The following MEI4 variants were observed in gnomAD, a reference collection of about 807,000 sequenced individuals.
MEI4 encodes the protein meiosis-specific protein MEI4.
MEI4 carries 27 observed loss-of-function variants against 31.4 expected under a neutral mutation model. The ratio of observed to expected loss-of-function variants is 0.86; its 90% CI spans 0.63 to 1.19. The LOEUF (loss-of-function observed/expected upper bound fraction) is 1.19. Ranked by LOEUF, MEI4 falls within the 50% of genes most tolerant of loss-of-function variation. MEI4 has a pLI of 0.00. For synonymous variants in MEI4, 122 were observed against 145.4 expected (o/e 0.84, Z 1.16); for missense variants, 329 against 398.9 (o/e 0.82, Z 1.49).
At chr6:77,739,693 C>T (rs1316794322) in intron 2 of MEI4, among the ~76,000 whole-genome samples, 2 of 151,854 alleles carry the variant, frequency 1.3e-5, no homozygotes, top group African/African-American at 2.4e-5. Context: ...TGTAACAAAC[C>T]TGCACGTTCT....
intron 4 of MEI4, among the ~76,000 whole-genome samples, chr6:77,913,824 G>A (rs762271420): frequency 2.0e-5 from 3 of 151,326 alleles, no homozygotes; most frequent in Non-Finnish European, 4.4e-5. Flanking sequence ...ACGAGGTCAG[G>A]AGATTGAGAC....
chr6:77,912,617 G>C (rs1324306187), intron 4 of MEI4, among the ~76,000 whole-genome samples: 2 of 151,782 alleles, frequency 1.3e-5, no homozygotes, highest in Non-Finnish European at 2.9e-5. Flanking sequence ...TCAATAAGTT[G>C]GTTATTAGTG....
chr6:77,707,832 G>C (rs1482440161), intron 2 of MEI4, among the ~76,000 whole-genome samples: 1 of 152,254 alleles, frequency 6.6e-6, no homozygotes, highest in African/African-American at 2.4e-5. Context: ...GAGGGCGCAA[G>C]CCATAAGCCT....
chr6:77,681,017 T>C (rs1768946871), intron 1 of MEI4, among the ~76,000 whole-genome samples: 1 of 152,176 alleles, frequency 6.6e-6, no homozygotes, highest in South Asian at 2.1e-4. Context: ...ATTTACAAAA[T>C]GACTTTTTTG....
At chr6:77,758,636 T>C (rs1017393087) in intron 2 of MEI4, among the ~76,000 whole-genome samples, 1 of 152,328 alleles carries the variant, frequency 6.6e-6, no homozygotes, top group East Asian at 1.9e-4. Flanking sequence ...TTTTTCATTC[T>C]TTTTCCTTCG....
At chr6:77,922,720 TA>T (rs1766733257) in intron 4 of MEI4, among the ~76,000 whole-genome samples, 2 of 151,666 alleles carry the variant, frequency 1.3e-5, no homozygotes, top group Non-Finnish European at 1.5e-5. Flanking sequence ...TATATCAAAA[TA>T]AGTACCATGA....
chr6:77,919,761 T>TAAAG (rs1403816704), intron 4 of MEI4, among the ~76,000 whole-genome samples: 1 of 146,330 alleles, frequency 6.8e-6, no homozygotes, highest in Middle Eastern at 3.4e-3. Context: ...GCAAGACTAA[T>TAAAG]AAAGAAAAAA....
chr6:77,844,184 T>G (rs1770425802), intron 4 of MEI4, among the ~76,000 whole-genome samples: 1 of 152,140 alleles, frequency 6.6e-6, no homozygotes, highest in Non-Finnish European at 1.5e-5. Context: ...CTACTGATGC[T>G]TATTAGAATG....
intron 4 of MEI4, among the ~76,000 whole-genome samples, chr6:77,858,491 A>G (rs6934529): frequency 0.048 from 7,317 of 152,222 alleles, 440 homozygotes; most frequent in African/African-American, 0.14. Context: ...GCATATAGCA[A>G]TTGGAGTTTT....
chr6:77,780,567 G>A (rs1341622342), intron 3 of MEI4, among the ~76,000 whole-genome samples: 1 of 152,118 alleles, frequency 6.6e-6, no homozygotes, highest in Non-Finnish European at 1.5e-5. Flanking sequence ...CAATGCAGCT[G>A]TTGGCACAGG....
intron 4 of MEI4, among the ~76,000 whole-genome samples, chr6:77,909,200 C>T (rs1401180545): frequency 6.6e-6 from 1 of 152,044 alleles, no homozygotes; most frequent in African/African-American, 2.4e-5. Context: ...TTAAGAAACT[C>T]ACTCAAAACC....
intron 4 of MEI4, among the ~76,000 whole-genome samples, chr6:77,903,152 C>A (rs1267401658): frequency 1.3e-5 from 2 of 151,438 alleles, no homozygotes; most frequent in Non-Finnish European, 2.9e-5. Flanking sequence ...TTTTTTCTTT[C>A]TTTTTTTTCT....
At chr6:77,871,361 TTTAAA>T (rs1771186076) in intron 4 of MEI4, among the ~76,000 whole-genome samples, 1 of 152,218 alleles carries the variant, frequency 6.6e-6, no homozygotes, top group Non-Finnish European at 1.5e-5. Flanking sequence ...TTAAATTTAT[TTTAAA>T]TTGAGTTTTA....
chr6:77,826,313 A>G (rs985678228), intron 3 of MEI4, among the ~76,000 whole-genome samples: 2 of 152,208 alleles, frequency 1.3e-5, no homozygotes, highest in Admixed American at 6.5e-5. Flanking sequence ...TTAGTTGACA[A>G]GAAAGATATG....
intron 2 of MEI4, among the ~76,000 whole-genome samples, chr6:77,749,002 C>T (rs1767693260): frequency 1.3e-5 from 2 of 152,122 alleles, no homozygotes; most frequent in Non-Finnish European, 2.9e-5. Context: ...GGACCTCCAG[C>T]AAACTCCCAC....
At position 77,924,769 on chromosome 6, in the gene MEI4, C is replaced by T. The variant is rs1766806011; in HGVS notation, c.*1423C>T. On this transcript the variant is annotated 3_prime_UTR_variant, in exon 5 of 5. Coordinates refer to ENST00000684080, the MANE Select transcript of MEI4 (RefSeq NM_001322247.2). Reference sequence around the variant, plus strand: ...GCTGAGAAATGTCACATTAGCACTTCCATCCACATGCATTGTCAAAGTACA... The same window carrying T: ...GCTGAGAAATGTCACATTAGCACTTTCATCCACATGCATTGTCAAAGTACA... 1 of 151,810 alleles carries T rather than the reference C, an allele frequency of 6.6e-6. No homozygotes were observed. The highest frequency in any genetic ancestry group is 1.5e-5 in the Non-Finnish European group (1 of 67,884). 9.4% of individuals were successfully genotyped at this position (151,810 alleles called of 1,614,324 possible). A position where few individuals can be genotyped will look rare whatever the true frequency, so the allele number is the denominator to read the frequency against.
At chr6:77,781,239 A>G (rs891416347) in intron 3 of MEI4, among the ~76,000 whole-genome samples, 1 of 152,094 alleles carries the variant, frequency 6.6e-6, no homozygotes, top group Non-Finnish European at 1.5e-5. Context: ...TTAATCTGAC[A>G]CTACTATATT....
At chr6:77,922,916 T>C (rs765361060) in intron 4 of MEI4, among the ~76,000 whole-genome samples, 173 bp from the exon 5 acceptor site, 19 of 151,740 alleles carry the variant, frequency 1.3e-4, no homozygotes, top group Non-Finnish European at 5.9e-5. Context: ...TGTAAAGTCT[T>C]TGAATAAAGG....
intron 2 of MEI4, among the ~76,000 whole-genome samples, chr6:77,730,740 T>C (rs957844515): frequency 6.6e-6 from 1 of 151,878 alleles, no homozygotes; most frequent in Non-Finnish European, 1.5e-5. Context: ...ACTCGTCATC[T>C]AGCATTAGGT....
Sources: allele counts gnomAD v4.1 joint callset (sites outside exome capture counted in the v4.1 genomes callset), GRCh38; gene constraint gnomAD v4.1.1; transcripts MANE v1.5; gene names NCBI Gene and HGNC (gene_info 2026-07-23, HGNC 2026-07-21).